NKAIN3: variants seen among roughly 807,000 people sequenced by gnomAD.
NKAIN3 encodes the protein sodium/potassium-transporting ATPase subunit beta-1-interacting protein 3.
In NKAIN3, 25 loss-of-function variants were observed where a neutral mutation model predicts 30.2. The ratio of observed to expected loss-of-function variants is 0.83; its 90% CI spans 0.60 to 1.16. The LOEUF (loss-of-function observed/expected upper bound fraction) is 1.16, where lower values mean the gene tolerates loss of function less well. Ranked by LOEUF, NKAIN3 falls within the 50% of genes most tolerant of loss-of-function variation. The probability of loss-of-function intolerance (pLI) is 0.00; values close to 1 mark genes in which losing one functional copy is unlikely to be tolerated. For missense variants in NKAIN3, 225 were observed against 254.1 expected (o/e 0.89, Z 0.78); for synonymous variants, 91 against 89.6 (o/e 1.02, Z -0.09).
chr8:62,760,577 G>A (rs1445116724), intron 4 of NKAIN3, among the ~76,000 whole-genome samples: 3 of 149,390 alleles, frequency 2.0e-5, no homozygotes, highest in African/African-American at 7.4e-5. Context: ...ATTGAACAAT[G>A]AGAACACATG....
At chr8:62,301,279 A>G (rs550794909) in intron 1 of NKAIN3, among the ~76,000 whole-genome samples, 67 of 152,214 alleles carry the variant, frequency 4.4e-4, no homozygotes, top group Non-Finnish European at 8.4e-4. Context: ...TAAAAGAAAA[A>G]CTTTAGAAAA....
At chr8:62,787,254 C>T (rs1301479013) in intron 4 of NKAIN3, among the ~76,000 whole-genome samples, 1 of 152,056 alleles carries the variant, frequency 6.6e-6, no homozygotes, top group East Asian at 1.9e-4. Flanking sequence ...ATATTAAAAA[C>T]ATATCGCTTA....
chr8:62,738,834 A>C (rs1298060537), intron 3 of NKAIN3, among the ~76,000 whole-genome samples: 3 of 152,102 alleles, frequency 2.0e-5, no homozygotes, highest in Non-Finnish European at 4.4e-5. Context: ...TCTTTAGTTT[A>C]ATTAGATCCC....
In NKAIN3 at chr8:62,970,494, G is replaced by A. The variant is rs1823811113; in HGVS notation, c.*5087G>A. ...TTCTTGAACTTGCATTCAAATAAAG[G>A]GTAAAAATCATGTTAAATGCTAAAC... is the stretch of plus-strand genomic sequence containing the variant. On this transcript the variant is annotated 3_prime_UTR_variant, in exon 7 of 7. Transcript: ENST00000623646. Among the ~76,000 whole-genome samples the A allele has an allele frequency of 6.6e-6, 1 of 151,688 alleles. No homozygotes were observed. Among genetic ancestry groups the A allele is most frequent in the Non-Finnish European group, 1.5e-5 (1 of 67,908 alleles).
intron 3 of NKAIN3, among the ~76,000 whole-genome samples, chr8:62,686,271 C>T (rs1813798188): frequency 6.6e-6 from 1 of 152,058 alleles, no homozygotes; most frequent in African/African-American, 2.4e-5. Flanking sequence ...ACCCAACTCT[C>T]CTCCTTCCTT....
intron 1 of NKAIN3, among the ~76,000 whole-genome samples, chr8:62,335,402 C>A (rs188825270): frequency 2.1e-5 from 3 of 144,976 alleles, no homozygotes; most frequent in Non-Finnish European, 4.5e-5. Flanking sequence ...GCACTCCAGC[C>A]TGGGTGACGG....
chr8:62,432,552 G>A (rs1038654594), intron 1 of NKAIN3, among the ~76,000 whole-genome samples: 29 of 152,016 alleles, frequency 1.9e-4, no homozygotes, highest in Non-Finnish European at 3.8e-4. Flanking sequence ...GATATTTGAT[G>A]TCTGTCATAA....
chr8:62,863,171 G>T, intron 4 of NKAIN3: 4 of 1,525,442 alleles, frequency 2.6e-6, no homozygotes, highest in Non-Finnish European at 3.6e-6. Flanking sequence ...TCGGCTTCTT[G>T]CTCCAATTCT....
At chr8:62,472,224 G>A (rs1283271007) in intron 1 of NKAIN3, among the ~76,000 whole-genome samples, 1 of 152,044 alleles carries the variant, frequency 6.6e-6, no homozygotes. Flanking sequence ...AAGGAATGGG[G>A]CCTTTAACTC....
intron 3 of NKAIN3, among the ~76,000 whole-genome samples, chr8:62,688,700 A>G (rs1175170888): frequency 6.6e-6 from 1 of 151,634 alleles, no homozygotes; most frequent in Non-Finnish European, 1.5e-5. Flanking sequence ...AAAAACATCT[A>G]TTTTCAATCT....
intron 3 of NKAIN3, among the ~76,000 whole-genome samples, chr8:62,647,678 G>T (rs920301897): frequency 6.6e-6 from 1 of 152,172 alleles, no homozygotes; most frequent in Non-Finnish European, 1.5e-5. Flanking sequence ...AGGTGAGAAA[G>T]AACATGGATC....
At chr8:62,316,103 C>T (rs144507518) in intron 1 of NKAIN3, among the ~76,000 whole-genome samples, 13 of 152,172 alleles carry the variant, frequency 8.5e-5, no homozygotes, top group South Asian at 4.2e-4. Context: ...TGAAGAAAGA[C>T]ATATTTGCTT....
intron 1 of NKAIN3, among the ~76,000 whole-genome samples, chr8:62,290,818 A>G (rs1023574540): frequency 6.6e-6 from 1 of 152,324 alleles, no homozygotes; most frequent in Middle Eastern, 3.4e-3. Context: ...GAATGGTACC[A>G]GCTCCTCTTT....
chr8:62,931,944 T>C (rs1822630579), intron 5 of NKAIN3, among the ~76,000 whole-genome samples: 1 of 152,236 alleles, frequency 6.6e-6, no homozygotes, highest in Non-Finnish European at 1.5e-5. Context: ...TGCTAACTCC[T>C]GTACGCATTG....
chr8:62,870,221 TATATCTATATATAGATATCTATAG>T (rs1378739987), intron 4 of NKAIN3, among the ~76,000 whole-genome samples: 10 of 143,736 alleles, frequency 7.0e-5, no homozygotes, highest in African/African-American at 2.3e-4. Flanking sequence ...TATATATATC[TATATCTATATATAGATATCTATAG>T]ATATCTATAT....
intron 4 of NKAIN3, among the ~76,000 whole-genome samples, chr8:62,877,920 A>C (rs745889173): frequency 6.6e-6 from 1 of 151,852 alleles, no homozygotes; most frequent in Non-Finnish European, 1.5e-5. Context: ...CATGCCTGTA[A>C]TCTCAGCTAC....
intron 3 of NKAIN3, among the ~76,000 whole-genome samples, chr8:62,732,821 AT>A (rs2130548403): frequency 6.6e-6 from 1 of 152,020 alleles, no homozygotes; most frequent in South Asian, 2.1e-4. Flanking sequence ...TTTATTATGT[AT>A]TTTTCTATAC....
chr8:62,457,651 GCAGA>G (rs1353597147), intron 1 of NKAIN3, among the ~76,000 whole-genome samples: 1 of 151,888 alleles, frequency 6.6e-6, no homozygotes, highest in Non-Finnish European at 1.5e-5. Context: ...TTTTTCCTAG[GCAGA>G]CAATGATTGG....
rs1396232956 is a variant in NKAIN3, at chr8:62,979,924, G to T, written c.*14517G>T. 6.6e-6 allele frequency: 1 copy of T among 152,152 alleles called. No individual in the cohort carries two copies. Among genetic ancestry groups the T allele is most frequent in the Non-Finnish European group, 1.5e-5 (1 of 68,056 alleles). 9.4% of individuals were successfully genotyped at this position (152,152 alleles called of 1,614,324 possible). A position where few individuals can be genotyped will look rare whatever the true frequency, so the allele number is the denominator to read the frequency against. Reference sequence around the variant, plus strand: ...CTGCTCCTCGCCTTCCCTCTGCTTGGGTCTGAGCATCAGAAAGCCACCTTC... The same window carrying T: ...CTGCTCCTCGCCTTCCCTCTGCTTGTGTCTGAGCATCAGAAAGCCACCTTC... On this transcript the variant is annotated 3_prime_UTR_variant, in exon 7 of 7. Coordinates refer to ENST00000623646, the MANE Select transcript of NKAIN3 (RefSeq NM_001304533.3).
Sources: allele counts gnomAD v4.1 joint callset (sites outside exome capture counted in the v4.1 genomes callset), GRCh38; gene constraint gnomAD v4.1.1; transcripts MANE v1.5; gene names NCBI Gene and HGNC (gene_info 2026-07-23, HGNC 2026-07-21).